HHAT: variants seen among roughly 807,000 people sequenced by gnomAD.
HHAT encodes the protein protein-cysteine N-palmitoyltransferase HHAT.
Under a neutral mutation model 70.8 loss-of-function variants are expected in HHAT, and 47 were observed. The observed-to-expected ratio is 0.66, with a 90% CI of 0.53 to 0.85. HHAT has a LOEUF of 0.85. HHAT is among the 40% of genes least tolerant of loss of function. HHAT has a pLI of 0.00. For synonymous variants in HHAT, 228 were observed against 247.6 expected (o/e 0.92, Z 0.74); for missense variants, 609 against 604.8 (o/e 1.01, Z -0.07).
chr1:210,468,734 A>G (rs1026198606), intron 8 of HHAT, among the ~76,000 whole-genome samples: 13 of 152,190 alleles, frequency 8.5e-5, no homozygotes, highest in Admixed American at 3.9e-4. Context: ...CACCAGTTGC[A>G]GGACAGGATG....
intron 7 of HHAT, among the ~76,000 whole-genome samples, chr1:210,424,610 A>T (rs181107295): frequency 2.0e-5 from 3 of 151,044 alleles, no homozygotes; most frequent in African/African-American, 4.9e-5. Flanking sequence ...CCACCCCGTG[A>T]TAGGCCCCAG....
intron 9 of HHAT, among the ~76,000 whole-genome samples, chr1:210,575,236 C>A (rs1398941997): frequency 6.6e-6 from 1 of 152,082 alleles, no homozygotes; most frequent in South Asian, 2.1e-4. Context: ...TTTAGTACCC[C>A]CTACCCCGCC....
rs193194164 is a variant in HHAT, at chr1:210,406,096, G to A, written c.684+1417G>A. ...GTTTAACAGGCCCTCCAGGAGGAGG[G>A]TGGGAGTAAAGGTAAGGTGGGCACA... is the stretch of plus-strand genomic sequence containing the variant. On this transcript the variant is annotated intron_variant, in intron 6 of 11. Coordinates refer to ENST00000261458, the MANE Select transcript of HHAT (RefSeq NM_018194.6). Among the ~76,000 whole-genome samples, 601 of 152,212 alleles carry A rather than the reference G, an allele frequency of 3.9e-3. 3 individuals carry two copies. The highest frequency in any genetic ancestry group is 4.9e-3 in the Non-Finnish European group (336 of 68,018).
At chr1:210,332,056 T>C (rs887631232) in intron 1 of HHAT, among the ~76,000 whole-genome samples, 2 of 152,184 alleles carry the variant, frequency 1.3e-5, no homozygotes, top group African/African-American at 4.8e-5. Flanking sequence ...TACTTTAATG[T>C]GGTTGATAAT....
intron 7 of HHAT, among the ~76,000 whole-genome samples, chr1:210,458,731 TCTC>T (rs2093920547): frequency 6.6e-6 from 1 of 152,148 alleles, no homozygotes; most frequent in African/African-American, 2.4e-5. Context: ...GGCCTTGGCT[TCTC>T]CTTCCCATTC....
Position 210,603,492 on chromosome 1 carries a change from G to A in HHAT, c.1245+15393G>A, listed in dbSNP as rs78759666. Among the ~76,000 whole-genome samples, 1,046 of 152,090 alleles carry A rather than the reference G, an allele frequency of 6.9e-3. 12 individuals are homozygous for A. Among genetic ancestry groups the A allele is most frequent in the Non-Finnish European group, 7.8e-3 (530 of 67,964 alleles). On this transcript the variant is annotated intron_variant, in intron 10 of 11. Coordinates refer to ENST00000261458, the MANE Select transcript of HHAT (RefSeq NM_018194.6). ...TTTGGCTGTGTCTTTCCAATTCTGG[G>A]TATCTTTTTCTCCCCTAAATCCAAA...
intron 6 of HHAT, among the ~76,000 whole-genome samples, chr1:210,405,761 C>T (rs1320571408): frequency 1.3e-5 from 2 of 152,152 alleles, no homozygotes; most frequent in African/African-American, 2.4e-5. Flanking sequence ...CTTTTTATAT[C>T]TCTAGAAATC....
chr1:210,577,665 C>G (rs10863844), intron 9 of HHAT, among the ~76,000 whole-genome samples: 1 of 80,548 alleles, frequency 1.2e-5, no homozygotes, highest in Non-Finnish European at 2.2e-5. Flanking sequence ...TTTTTTTTTT[C>G]GAAATGGAGT....
At chr1:210,397,249 C>T (rs866789649) in intron 4 of HHAT, among the ~76,000 whole-genome samples, 2 of 152,148 alleles carry the variant, frequency 1.3e-5, no homozygotes, top group African/African-American at 2.4e-5. Context: ...ATCTGTAAAT[C>T]AGAAACATCA....
At chr1:210,622,656 G>A (rs1446320489) in intron 10 of HHAT, among the ~76,000 whole-genome samples, 1 of 152,162 alleles carries the variant, frequency 6.6e-6, no homozygotes, top group Non-Finnish European at 1.5e-5. Flanking sequence ...CCTCAGTGCC[G>A]ACGTGTGCTG....
chr1:210,663,089 T>C (rs1678108340), intron 11 of HHAT, among the ~76,000 whole-genome samples: 1 of 152,128 alleles, frequency 6.6e-6, no homozygotes, highest in Admixed American at 6.5e-5. Context: ...TAATAAAGGG[T>C]CATGCAGGCA....
chr1:210,532,069 T>C (rs955714605), intron 9 of HHAT, among the ~76,000 whole-genome samples: 1 of 152,232 alleles, frequency 6.6e-6, no homozygotes, highest in Non-Finnish European at 1.5e-5. Flanking sequence ...CTTTAGAAGC[T>C]GAAAGCCCAT....
At chr1:210,399,217 C>CCT (rs947477022) in intron 4 of HHAT, among the ~76,000 whole-genome samples, 9 of 152,286 alleles carry the variant, frequency 5.9e-5, no homozygotes, top group African/African-American at 2.2e-4. Context: ...TAGAGTCCTT[C>CCT]CTGTGTATCC....
chr1:210,403,866 C>T (rs1192019456), intron 5 of HHAT, among the ~76,000 whole-genome samples: 1 of 149,330 alleles, frequency 6.7e-6, no homozygotes, highest in African/African-American at 2.5e-5. Context: ...GTTTCATGCT[C>T]TATTGTAATT....
At chr1:210,394,652 T>C (rs2091678833) in intron 4 of HHAT, among the ~76,000 whole-genome samples, 1 of 152,104 alleles carries the variant, frequency 6.6e-6, no homozygotes, top group Non-Finnish European at 1.5e-5. Flanking sequence ...CCCACATCAT[T>C]AGCAATTGAC....
intron 7 of HHAT, among the ~76,000 whole-genome samples, chr1:210,428,286 CTATA>C (rs66516721): frequency 4.0e-4 from 41 of 101,374 alleles, no homozygotes; most frequent in East Asian, 7.2e-4. Flanking sequence ...TGAGCTTATA[CTATA>C]TATATATATA....
chr1:210,592,418 T>C (rs554095996), intron 10 of HHAT, among the ~76,000 whole-genome samples: 5 of 152,216 alleles, frequency 3.3e-5, no homozygotes, highest in African/African-American at 1.2e-4. Context: ...AATACTGTAC[T>C]ATTTTGGTTA....
chr1:210,331,357 A>G (rs2084969440), intron 1 of HHAT, among the ~76,000 whole-genome samples: 1 of 152,082 alleles, frequency 6.6e-6, no homozygotes, highest in Admixed American at 6.5e-5. Flanking sequence ...CTGCTTCACA[A>G]AGATAGGATG....
At position 210,587,311 on chromosome 1, in the gene HHAT, G is replaced by A. The variant is rs139338933; in HGVS notation, c.1044-587G>A. On this transcript the variant is annotated intron_variant, in intron 9 of 11. Transcript: ENST00000261458. ...GAAGCAAAGGCACATCTTACATGGC[G>A]CCAGGCCGGAGAGCATGTGCAGGGG... Among the ~76,000 whole-genome samples, 696 of 152,282 alleles carry A rather than the reference G, an allele frequency of 4.6e-3. 11 individuals are homozygous for A. Among genetic ancestry groups the A allele is most frequent in the African/African-American group, 0.015 (644 of 41,556 alleles).
Sources: gnomAD v4.1 joint callset for allele counts (sites outside exome capture counted in the v4.1 genomes callset) on GRCh38, gnomAD v4.1.1 for gene constraint, MANE v1.5 for transcripts, NCBI Gene and HGNC (gene_info 2026-07-23, HGNC 2026-07-21) for gene names.